GNG12: variants seen among roughly 807,000 people sequenced by gnomAD.
GNG12 encodes guanine nucleotide-binding protein G(I)/G(S)/G(O) subunit gamma-12.
For synonymous variants in GNG12, 28 were observed against 29.7 expected, an observed-to-expected ratio of 0.94 and a Z score of 0.19; for missense variants, 69 against 83.8, an observed-to-expected ratio of 0.82 and a Z score of 0.69.
At chr1:67,757,235 C>T (rs1646575336) in intron 2 of GNG12, among the ~76,000 whole-genome samples, 1 of 152,160 alleles carries the variant, frequency 6.6e-6, no homozygotes, top group Admixed American at 6.5e-5. Context: ...AGTTTGTTCA[C>T]ACTGAACCAT....
intron 2 of GNG12, among the ~76,000 whole-genome samples, chr1:67,750,890 G>A (rs559005834): frequency 2.0e-4 from 31 of 152,066 alleles, no homozygotes; most frequent in African/African-American, 3.9e-4. Context: ...CTTATTAGTC[G>A]TATTTTCATA....
intron 2 of GNG12, among the ~76,000 whole-genome samples, chr1:67,749,586 T>C (rs1280470138): frequency 6.6e-6 from 1 of 152,182 alleles, no homozygotes; most frequent in African/African-American, 2.4e-5. Flanking sequence ...GTTTGCTGAT[T>C]GCTGCCCCCA....
At chr1:67,739,820 A>G (rs976368616) in intron 2 of GNG12, among the ~76,000 whole-genome samples, 1 of 152,236 alleles carries the variant, frequency 6.6e-6, no homozygotes, top group African/African-American at 2.4e-5. Context: ...TAACCCAGCC[A>G]GGAAAGCCAC....
chr1:67,817,424 C>CAA (rs1426313480), intron 1 of GNG12, among the ~76,000 whole-genome samples: 7 of 152,346 alleles, frequency 4.6e-5, no homozygotes, highest in African/African-American at 1.4e-4. Flanking sequence ...GGCAGTCTCT[C>CAA]AAAGTCACAT....
chr1:67,797,091 C>T (rs1279440403), intron 1 of GNG12, among the ~76,000 whole-genome samples: 1 of 152,202 alleles, frequency 6.6e-6, no homozygotes, highest in Non-Finnish European at 1.5e-5. Flanking sequence ...GGCCCCACCT[C>T]CAACATTGGG....
chr1:67,740,631 G>A (rs1336604303), intron 2 of GNG12, among the ~76,000 whole-genome samples: 2 of 152,178 alleles, frequency 1.3e-5, no homozygotes, highest in Non-Finnish European at 2.9e-5. Context: ...AAATGTTTGT[G>A]TCTCCCCAAA....
At position 67,779,148 on chromosome 1, in the gene GNG12, C is replaced by T. The variant is rs374626884; in HGVS notation, c.-76-1641G>A. 1.4e-4 allele frequency among the ~76,000 whole-genome samples: 22 copies of T among 152,206 alleles called. No individual in the cohort carries two copies. The East Asian group carries it at 4.3e-3, about 29-fold the overall frequency. On this transcript the variant is annotated intron_variant, in intron 1 of 3. Transcript: ENST00000370982. The stretch of plus-strand genomic sequence containing the variant: ...AAATGGGTCTTTTAGATAGATATCC[C>T]TATATCTGTCTCAGCAGGGGTAGGG...
intron 2 of GNG12, among the ~76,000 whole-genome samples, chr1:67,709,528 T>C (rs1378111920): frequency 1.3e-5 from 2 of 152,044 alleles, no homozygotes; most frequent in African/African-American, 2.4e-5. Context: ...GGATGAAGCA[T>C]GTGGCAGGGC....
chr1:67,706,008 C>G (rs1483958296), intron 3 of GNG12, among the ~76,000 whole-genome samples: 1 of 152,152 alleles, frequency 6.6e-6, no homozygotes, highest in Non-Finnish European at 1.5e-5. Flanking sequence ...TAATCCTGAA[C>G]TGCAAATAAC....
chr1:67,785,842 AC>A (rs1164861074), intron 1 of GNG12, among the ~76,000 whole-genome samples: 1 of 152,196 alleles, frequency 6.6e-6, no homozygotes, highest in Non-Finnish European at 1.5e-5. Context: ...CCAACCATGT[AC>A]AAATCTGTAT....
At chr1:67,801,570 G>A (rs1467418607) in intron 1 of GNG12, among the ~76,000 whole-genome samples, 1 of 152,152 alleles carries the variant, frequency 6.6e-6, no homozygotes, top group Non-Finnish European at 1.5e-5. Context: ...GAGTACATTC[G>A]TGCTGTCGAA....
At chr1:67,802,785 C>G (rs890229951) in intron 1 of GNG12, among the ~76,000 whole-genome samples, 2 of 152,148 alleles carry the variant, frequency 1.3e-5, no homozygotes, top group African/African-American at 4.8e-5. Flanking sequence ...TTACTCCTGC[C>G]CACCACTCCC....
intron 2 of GNG12, among the ~76,000 whole-genome samples, chr1:67,756,832 C>T (rs1040469931): frequency 7.9e-5 from 12 of 152,136 alleles, no homozygotes; most frequent in African/African-American, 2.2e-4. Flanking sequence ...CTGGTCTGCC[C>T]GGGTCATCTG....
chr1:67,771,568 C>T (rs1156378973), intron 2 of GNG12, among the ~76,000 whole-genome samples: 1 of 152,176 alleles, frequency 6.6e-6, no homozygotes, highest in Non-Finnish European at 1.5e-5. Context: ...GCTAGAAAAC[C>T]AAAAAGCAGA....
chr1:67,739,858 G>A lies in GNG12; in HGVS notation c.-26-32146C>T, dbSNP rs543015561. Among the ~76,000 whole-genome samples, 5 of 152,164 alleles carry A rather than the reference G, an allele frequency of 3.3e-5. No individual in the cohort carries two copies. In the South Asian group the frequency reaches 8.3e-4, roughly 25 times the overall value. On this transcript the variant is annotated intron_variant, in intron 2 of 3. Coordinates refer to ENST00000370982, the MANE Select transcript of GNG12 (RefSeq NM_018841.6). ...TGAAACTAGAACTCCACAATGGGCCGGAAAATATTTACAACTCTGTTTTAA... is the reference window on the plus strand; with the variant it reads ...TGAAACTAGAACTCCACAATGGGCCAGAAAATATTTACAACTCTGTTTTAA...
chr1:67,738,518 T>C (rs1223751197), intron 2 of GNG12, among the ~76,000 whole-genome samples: 5 of 152,178 alleles, frequency 3.3e-5, no homozygotes, highest in African/African-American at 1.2e-4. Flanking sequence ...AACCTCCCCC[T>C]GGAGCTCTGG....
intron 2 of GNG12, among the ~76,000 whole-genome samples, chr1:67,749,246 T>C (rs1011441751): frequency 6.6e-6 from 1 of 152,262 alleles, no homozygotes; most frequent in Non-Finnish European, 1.5e-5. Flanking sequence ...AGACTATGGA[T>C]AGGTCGCTTA....
intron 3 of GNG12, 52 bp downstream of exon 3, chr1:67,707,542 G>A: frequency 1.0e-6 from 1 of 953,022 alleles, no homozygotes; most frequent in Non-Finnish European, 1.7e-6. Flanking sequence ...CAGCCACAAG[G>A]AACAGGGGGA....
At chr1:67,816,544 C>CT (rs1646954641) in intron 1 of GNG12, among the ~76,000 whole-genome samples, 1 of 152,156 alleles carries the variant, frequency 6.6e-6, no homozygotes, top group Non-Finnish European at 1.5e-5. Flanking sequence ...CCTCTGCCTC[C>CT]AGCTCAAGCC....
Sources: gnomAD v4.1 joint callset for allele counts (sites outside exome capture counted in the v4.1 genomes callset) on GRCh38, gnomAD v4.1.1 for gene constraint, MANE v1.5 for transcripts, NCBI Gene and HGNC (gene_info 2026-07-23, HGNC 2026-07-21) for gene names.